Variants in ZNF385D observed in about 807,000 individuals in gnomAD.
ZNF385D encodes the protein zinc finger protein 659.
ZNF385D carries 15 observed loss-of-function variants against 35.8 expected under a neutral mutation model. That is an observed-to-expected ratio of 0.42 (90% CI 0.28 to 0.64). The LOEUF is 0.64. Ranked by LOEUF, ZNF385D falls within the 30% of genes least tolerant of loss-of-function variation. The pLI, the probability that ZNF385D is intolerant of heterozygous loss-of-function variation, is 0.23. For synonymous variants in ZNF385D, 212 were observed against 186.8 expected (o/e 1.13, Z -1.10); for missense variants, 474 against 494.6 (o/e 0.96, Z 0.39).
At chr3:21,440,265 G>T (rs1184550665) in intron 4 of ZNF385D, among the ~76,000 whole-genome samples, 1 of 152,076 alleles carries the variant, frequency 6.6e-6, no homozygotes, top group Non-Finnish European at 1.5e-5. Context: ...AATCTTAAAT[G>T]AATGATAATG....
chr3:21,823,395 C>T (rs1458290237), intron 3 of ZNF385D, among the ~76,000 whole-genome samples: 3 of 152,074 alleles, frequency 2.0e-5, no homozygotes, highest in African/African-American at 7.2e-5. Flanking sequence ...ACTTTGCATT[C>T]ATTACATGTC....
At chr3:21,879,060 C>A (rs190973686) in intron 3 of ZNF385D, among the ~76,000 whole-genome samples, 173 of 152,050 alleles carry the variant, frequency 1.1e-3, no homozygotes, top group African/African-American at 3.9e-3. Context: ...TATTTTTCAT[C>A]ATTTGAATAC....
At chr3:21,434,314 C>A (rs957956634) in intron 5 of ZNF385D, among the ~76,000 whole-genome samples, 1 of 152,122 alleles carries the variant, frequency 6.6e-6, no homozygotes, top group African/African-American at 2.4e-5. Flanking sequence ...GCCCTCAAAT[C>A]CTTGTCTCCA....
chr3:21,956,174 G>A (rs1460585593), intron 3 of ZNF385D, among the ~76,000 whole-genome samples: 1 of 151,666 alleles, frequency 6.6e-6, no homozygotes, highest in Non-Finnish European at 1.5e-5. Context: ...GTGAGAGAGT[G>A]AGACTATGTC....
At chr3:22,369,386 C>A (rs933147191) in intron 2 of ZNF385D, among the ~76,000 whole-genome samples, 6 of 152,054 alleles carry the variant, frequency 3.9e-5, no homozygotes, top group Admixed American at 3.9e-4. Context: ...TGCAGTTTGA[C>A]GATTCAAGTT....
chr3:21,751,652 G>T (rs1303443618), upstream of ZNF385D, among the ~76,000 whole-genome samples: 1 of 152,024 alleles, frequency 6.6e-6, no homozygotes, highest in Admixed American at 6.6e-5. Context: ...ATATATAAGA[G>T]GAATAAAAGG....
At chr3:21,979,169 C>T (rs1280767831) in intron 3 of ZNF385D, among the ~76,000 whole-genome samples, 1 of 151,872 alleles carries the variant, frequency 6.6e-6, no homozygotes, top group Non-Finnish European at 1.5e-5. Flanking sequence ...ATAGTCTGGG[C>T]TGGGTCCAAA....
At chr3:21,880,625 CAA>C (rs1475205459) in intron 3 of ZNF385D, among the ~76,000 whole-genome samples, 9 of 151,974 alleles carry the variant, frequency 5.9e-5, no homozygotes, top group African/African-American at 2.2e-4. Flanking sequence ...ACTAACCCTA[CAA>C]TGGCCTCTAA....
At chr3:21,752,685 G>A (rs1490062532), upstream of ZNF385D, among the ~76,000 whole-genome samples, 1 of 152,066 alleles carries the variant, frequency 6.6e-6, no homozygotes, top group Non-Finnish European at 1.5e-5. Flanking sequence ...TAAATCTAGG[G>A]CTGTTCTTTT....
At chr3:21,476,416 A>C (rs555665373) in intron 4 of ZNF385D, among the ~76,000 whole-genome samples, 1 of 152,164 alleles carries the variant, frequency 6.6e-6, no homozygotes, top group South Asian at 2.1e-4. Context: ...ATAATTCTAA[A>C]AATTAGACCT....
chr3:21,550,831 G>T (rs972655933), intron 3 of ZNF385D, among the ~76,000 whole-genome samples: 2 of 152,248 alleles, frequency 1.3e-5, no homozygotes, highest in African/African-American at 4.8e-5. Context: ...ATATTGTAAT[G>T]ATACCAATGA....
At chr3:22,146,458 T>C (rs1704861174) in intron 3 of ZNF385D, among the ~76,000 whole-genome samples, 1 of 152,314 alleles carries the variant, frequency 6.6e-6, no homozygotes, top group South Asian at 2.1e-4. Flanking sequence ...AGATTGTGAC[T>C]AGAATAAATC....
intron 3 of ZNF385D, among the ~76,000 whole-genome samples, chr3:22,118,751 ACAGT>A (rs561682052): frequency 2.6e-4 from 39 of 152,234 alleles, no homozygotes; most frequent in Middle Eastern, 6.8e-3. Flanking sequence ...TCTTCTGTTA[ACAGT>A]CATAGTTCTG....
chr3:22,372,339 C>G, intron 2 of ZNF385D: 1 of 656,302 alleles, frequency 1.5e-6, no homozygotes, highest in Non-Finnish European at 1.9e-6. Flanking sequence ...CCATGCGAGC[C>G]CCAGCCCCTC....
chr3:22,332,548 C>T (rs1354325330), intron 2 of ZNF385D, among the ~76,000 whole-genome samples: 1 of 151,508 alleles, frequency 6.6e-6, no homozygotes, highest in East Asian at 1.9e-4. Context: ...TAGGATGAAG[C>T]TTAATAAAAC....
rs560270739 is a variant in ZNF385D, at chr3:21,751,191, G to A, written c.-275C>T. 8 of 1,370,992 alleles carry A rather than the reference G, an allele frequency of 5.8e-6. No homozygotes were observed. In the Admixed American group the frequency reaches 1.2e-4, roughly 21 times the overall value. The allele number at this position is 1,370,992 out of a possible 1,614,324, so 84.9% of individuals were successfully genotyped here. On this transcript the variant is annotated 5_prime_UTR_variant, in exon 1 of 8. Coordinates refer to ENST00000281523, the MANE Select transcript of ZNF385D (RefSeq NM_024697.3). ...GACTCCTCCTTGCGATGTCCTTGCC[G>A]CGCCTGTGACATCAGGACTGAGAGT...
At chr3:22,246,208 T>G (rs1699770219) in intron 2 of ZNF385D, among the ~76,000 whole-genome samples, 1 of 152,176 alleles carries the variant, frequency 6.6e-6, no homozygotes, top group African/African-American at 2.4e-5. Flanking sequence ...CATAACTGTC[T>G]TTCTCCAGAA....
chr3:21,928,914 A>G (rs1700874421), intron 3 of ZNF385D, among the ~76,000 whole-genome samples: 1 of 152,200 alleles, frequency 6.6e-6, no homozygotes, highest in African/African-American at 2.4e-5. Context: ...AGGAAATAAT[A>G]CCAATCCTAT....
intron 3 of ZNF385D, among the ~76,000 whole-genome samples, chr3:21,864,444 A>C (rs1190550877): frequency 6.6e-6 from 1 of 152,108 alleles, no homozygotes; most frequent in Non-Finnish European, 1.5e-5. Context: ...TAATTCTAGC[A>C]GTGTAACTGG....
Sources: allele counts gnomAD v4.1 joint callset (sites outside exome capture counted in the v4.1 genomes callset), GRCh38; gene constraint gnomAD v4.1.1; transcripts MANE v1.5; gene names NCBI Gene and HGNC (gene_info 2026-07-23, HGNC 2026-07-21).